Variants in RPH3A observed in about 807,000 individuals in gnomAD.
The protein encoded by RPH3A is rabphilin-3A.
In RPH3A, 48 loss-of-function variants were observed where a neutral mutation model predicts 102.2. That is an observed-to-expected ratio of 0.47 (90% CI 0.37 to 0.60). RPH3A has a LOEUF of 0.60. RPH3A is among the 20% of genes least tolerant of loss of function. The probability of loss-of-function intolerance (pLI) is 0.00; values close to 1 mark genes in which losing one functional copy is unlikely to be tolerated. For missense variants in RPH3A, 781 were observed against 910.1 expected (o/e 0.86, Z 1.83); for synonymous variants, 310 against 324.3 (o/e 0.96, Z 0.47).
intron 2 of RPH3A, among the ~76,000 whole-genome samples, chr12:112,803,693 T>G (rs2041400573): frequency 6.6e-6 from 1 of 152,182 alleles, no homozygotes; most frequent in South Asian, 2.1e-4. Context: ...AGAAATTGAT[T>G]CTTTAGTCTT....
chr12:112,668,489 A>T (rs2040102950), intron 1 of RPH3A, among the ~76,000 whole-genome samples: 1 of 152,200 alleles, frequency 6.6e-6, no homozygotes, highest in African/African-American at 2.4e-5. Flanking sequence ...CCTTAAAAAA[A>T]TGAGTTCATG....
chr12:112,599,961 A>T (rs1423255781), intron 1 of RPH3A, among the ~76,000 whole-genome samples: 1 of 152,136 alleles, frequency 6.6e-6, no homozygotes, highest in Admixed American at 6.6e-5. Flanking sequence ...GCATCACGGG[A>T]TGATAACAGT....
intron 1 of RPH3A, among the ~76,000 whole-genome samples, chr12:112,637,166 C>A (rs560189722): frequency 6.6e-6 from 1 of 152,082 alleles, no homozygotes; most frequent in African/African-American, 2.4e-5. Context: ...TCCTCCAAAC[C>A]AATATACTGT....
intron 4 of RPH3A, among the ~76,000 whole-genome samples, chr12:112,843,594 G>A (rs1262047159): frequency 6.6e-6 from 1 of 152,190 alleles, no homozygotes; most frequent in Admixed American, 6.5e-5. Context: ...TGGTGGTGGG[G>A]TGTGAGCCAT....
intron 1 of RPH3A, among the ~76,000 whole-genome samples, chr12:112,589,019 G>T (rs1261042720): frequency 6.6e-6 from 1 of 152,126 alleles, no homozygotes; most frequent in South Asian, 2.1e-4. Context: ...TGGGGGAAGG[G>T]GGGAGAGTGT....
At chr12:112,802,819 C>T (rs1027051270) in intron 2 of RPH3A, among the ~76,000 whole-genome samples, 1 of 152,052 alleles carries the variant, frequency 6.6e-6, no homozygotes, top group Non-Finnish European at 1.5e-5. Flanking sequence ...CTGTCCACTC[C>T]CCAGGGCCTC....
intron 1 of RPH3A, among the ~76,000 whole-genome samples, chr12:112,672,105 G>A (rs992052417): frequency 3.9e-5 from 6 of 151,902 alleles, no homozygotes; most frequent in East Asian, 3.9e-4. Flanking sequence ...AACTGTAGGG[G>A]TTGGCAAGTG....
chr12:112,661,669 G>T (rs1440163301), intron 1 of RPH3A, among the ~76,000 whole-genome samples: 2 of 152,228 alleles, frequency 1.3e-5, no homozygotes, highest in Non-Finnish European at 2.9e-5. Context: ...AGAAATGAGT[G>T]AGAGGCTCTT....
chr12:112,638,573 A>G (rs2039864187), intron 1 of RPH3A, among the ~76,000 whole-genome samples: 1 of 152,216 alleles, frequency 6.6e-6, no homozygotes, highest in African/African-American at 2.4e-5. Context: ...AATTAATTCG[A>G]AAAGTGTTTT....
rs1034081473 is a variant in RPH3A at position 112,870,306 on chromosome 12, G to A, written c.796+267G>A. ...AGAAAGCATGATTTTTTTTCTCCCC[G>A]CCTCAAAAAAAAAAAAAAAAAAACC... On this transcript the variant is annotated intron_variant, in intron 10 of 21. Coordinates refer to ENST00000389385, the MANE Select transcript of RPH3A (RefSeq NM_001143854.2). 2.2e-4 allele frequency among the ~76,000 whole-genome samples: 15 copies of A among 67,336 alleles called. No homozygotes were observed. The Admixed American group carries it at 2.4e-3, about 11-fold the overall frequency. The allele number at this position is 67,336 out of a possible 152,430, so 44.2% of individuals were successfully genotyped here. A position where few individuals can be genotyped will look rare whatever the true frequency, so the allele number is the denominator to read the frequency against.
intron 1 of RPH3A, among the ~76,000 whole-genome samples, chr12:112,631,202 C>T (rs978212009): frequency 6.6e-6 from 1 of 152,118 alleles, no homozygotes; most frequent in African/African-American, 2.4e-5. Flanking sequence ...AACTTTACAC[C>T]TCTACAGGGT....
At chr12:112,706,905 TGTAGTCTGA>T (rs1351396359) in intron 1 of RPH3A, among the ~76,000 whole-genome samples, 1 of 152,090 alleles carries the variant, frequency 6.6e-6, no homozygotes, top group East Asian at 1.9e-4. Context: ...AGGACAAGCT[TGTAGTCTGA>T]CGAGTCCCTT....
Position 112,605,339 on chromosome 12 carries a change from C to A in RPH3A, c.-140+30020C>A, listed in dbSNP as rs144860553. Among the ~76,000 whole-genome samples, 264 of 152,030 alleles carry A rather than the reference C, an allele frequency of 1.7e-3. 4 individuals carry two copies. The highest frequency in any genetic ancestry group is 6.2e-3 in the African/African-American group (259 of 41,494). On this transcript the variant is annotated intron_variant, in intron 1 of 21. Transcript: ENST00000543106. ...GCAGTGAGCTGAGATTGCACCACTG[C>A]ATTCCATCCTGGTTGGCAGAGCAAG...
chr12:112,885,305 G>A (rs2042986252), intron 16 of RPH3A, among the ~76,000 whole-genome samples: 1 of 152,212 alleles, frequency 6.6e-6, no homozygotes, highest in African/African-American at 2.4e-5. Flanking sequence ...TAGTGGCTGT[G>A]CCAGTGTGCA....
At chr12:112,800,521 A>G (rs2041323365) in intron 2 of RPH3A, among the ~76,000 whole-genome samples, 1 of 152,124 alleles carries the variant, frequency 6.6e-6, no homozygotes, top group Non-Finnish European at 1.5e-5. Context: ...TGCTAGAGTG[A>G]TGTGACCTAA....
chr12:112,599,183 T>G (rs988662027), intron 1 of RPH3A, among the ~76,000 whole-genome samples: 1 of 152,146 alleles, frequency 6.6e-6, no homozygotes, highest in Non-Finnish European at 1.5e-5. Context: ...CAAGACCAAG[T>G]TAACTTTCGA....
Position 112,608,076 on chromosome 12 carries a change from C to A in RPH3A, c.-140+32757C>A, listed in dbSNP as rs1046859490. ...CTCTATGCATTCATTTATTCTCTTACCCTCATCTTTTATATCTTTCCCTCC... is the reference window on the plus strand; with the variant it reads ...CTCTATGCATTCATTTATTCTCTTAACCTCATCTTTTATATCTTTCCCTCC... On this transcript the variant is annotated intron_variant, in intron 1 of 21. Transcript: ENST00000543106. Among the ~76,000 whole-genome samples, 3 of 151,812 alleles carry A rather than the reference C, an allele frequency of 2.0e-5. No homozygotes were observed. The East Asian group carries it at 5.8e-4, about 29-fold the overall frequency.
intron 14 of RPH3A, among the ~76,000 whole-genome samples, chr12:112,881,438 C>T (rs1279331327): frequency 6.6e-6 from 1 of 152,182 alleles, no homozygotes; most frequent in Non-Finnish European, 1.5e-5. Context: ...TATGCCAGCA[C>T]TTTATAGGTG....
intron 1 of RPH3A, among the ~76,000 whole-genome samples, chr12:112,677,920 G>A (rs2040193086): frequency 6.6e-6 from 1 of 152,128 alleles, no homozygotes; most frequent in South Asian, 2.1e-4. Flanking sequence ...GCCAGGCGTG[G>A]TGGTGCATGC....
Sources: allele counts gnomAD v4.1 joint callset (sites outside exome capture counted in the v4.1 genomes callset), GRCh38; gene constraint gnomAD v4.1.1; transcripts MANE v1.5; gene names NCBI Gene and HGNC (gene_info 2026-07-23, HGNC 2026-07-21).